Variants in MS4A7 observed in about 807,000 individuals in gnomAD.
MS4A7 encodes the protein membrane spanning 4-domains A7.
Under a neutral mutation model 23.5 loss-of-function variants are expected in MS4A7, and 21 were observed. The ratio of observed to expected loss-of-function variants is 0.89; its 90% CI spans 0.63 to 1.29. The LOEUF is 1.29. MS4A7 is among the 50% of genes most tolerant of loss of function. MS4A7 has a pLI of 0.00. For synonymous variants in MS4A7, 111 were observed against 107.4 expected (o/e 1.03, Z -0.21); for missense variants, 263 against 274.2 (o/e 0.96, Z 0.29).
At chr11:60,392,938 A>G in intron 6 of MS4A7, 152 bp downstream of exon 6, 1 of 604,664 alleles carries the variant, frequency 1.7e-6, no homozygotes, top group Non-Finnish European at 2.9e-6. Flanking sequence ...TGAGTTTAAC[A>G]GTGAAACCCC....
At chr11:60,387,280 C>T (rs888685911) in intron 4 of MS4A7, among the ~76,000 whole-genome samples, 3 of 152,082 alleles carry the variant, frequency 2.0e-5, no homozygotes, top group African/African-American at 2.4e-5. Flanking sequence ...CAGTTTTAGC[C>T]CAGAAAGCCT....
At chr11:60,386,430 T>A in intron 3 of MS4A7, 1 of 352,618 alleles carries the variant, frequency 2.8e-6, no homozygotes. Context: ...GTAACACTCT[T>A]CTCCTTCCCA....
At chr11:60,385,282 GTCGTGGAGTGAC>G (rs1481839785) in intron 3 of MS4A7, 60 bp downstream of exon 3, 2 of 1,592,650 alleles carry the variant, frequency 1.3e-6, no homozygotes, top group African/African-American at 2.7e-5. Context: ...CAGGTGCATA[GTCGTGGAGTGAC>G]TCAGACTCCA....
At chr11:60,391,914 G>A (rs2085555659) in intron 5 of MS4A7, among the ~76,000 whole-genome samples, 2 of 60,708 alleles carry the variant, frequency 3.3e-5, no homozygotes, top group African/African-American at 5.7e-5. Context: ...ATGAGACCCT[G>A]TCTAAAAAAA....
At position 60,389,670 on chromosome 11, in the gene MS4A7, T is replaced by C. The variant is rs117646894; in HGVS notation, c.546+74T>C. On this transcript the variant is annotated intron_variant, in intron 5 of 6. Coordinates refer to ENST00000300184, the MANE Select transcript of MS4A7 (RefSeq NM_021201.5). ...CCCCTTTGCATACTCTCTGCTTTTC[T>C]GGCAGTCTCTGGTTGGTCGGTCCGA... 1.3e-5 allele frequency: 19 copies of C among 1,413,702 alleles called. No homozygotes were observed. In the East Asian group the frequency reaches 3.4e-4, roughly 25 times the overall value. 87.6% of individuals were successfully genotyped at this position (1,413,702 alleles called of 1,614,324 possible). A position where few individuals can be genotyped will look rare whatever the true frequency, so the allele number is the denominator to read the frequency against.
chr11:60,379,305 T>C (rs1051251447), intron 1 of MS4A7, among the ~76,000 whole-genome samples: 2 of 152,224 alleles, frequency 1.3e-5, no homozygotes, highest in Non-Finnish European at 2.9e-5. Flanking sequence ...TGTGAGATAA[T>C]TAAATGCAGG....
intron 2 of MS4A7, among the ~76,000 whole-genome samples, chr11:60,384,188 T>C (rs1382445163): frequency 6.6e-6 from 1 of 152,220 alleles, no homozygotes; most frequent in Non-Finnish European, 1.5e-5. Context: ...CTTTTAAAAA[T>C]GAAAGTTAGA....
chr11:60,381,349 G>A (rs1303522136), intron 1 of MS4A7, among the ~76,000 whole-genome samples: 1 of 152,148 alleles, frequency 6.6e-6, no homozygotes, highest in African/African-American at 2.4e-5. Flanking sequence ...TAAACAAAGA[G>A]AACTTTAGGT....
chr11:60,385,253 A>C, intron 3 of MS4A7, 31 bp downstream of exon 3: 2 of 1,613,092 alleles, frequency 1.2e-6, no homozygotes, highest in Non-Finnish European at 1.7e-6. Flanking sequence ...AAGAGGGGAC[A>C]TGCTTTATAA....
chr11:60,382,058 C>A (rs917364292), intron 1 of MS4A7, among the ~76,000 whole-genome samples: 10 of 152,192 alleles, frequency 6.6e-5, no homozygotes, highest in African/African-American at 1.7e-4. Context: ...GGATGACAAG[C>A]CTTTAACTAA....
chr11:60,383,478 C>CT (rs903424595), intron 2 of MS4A7, 190 bp downstream of exon 2: 13 of 422,956 alleles, frequency 3.1e-5, no homozygotes, highest in Non-Finnish European at 4.4e-5. Context: ...ACTAAAACCA[C>CT]TAGATCTTTT....
At chr11:60,390,776 A>G (rs78824219) in intron 5 of MS4A7, among the ~76,000 whole-genome samples, 1,636 of 152,342 alleles carry the variant, frequency 0.011, 78 homozygotes, top group Admixed American at 0.083. Flanking sequence ...GAGAAGTTGC[A>G]ACATAGCAGA....
Position 60,394,038 on chromosome 11 carries a change from C to A in MS4A7, c.*177C>A. ...TTTAATTTCTCTTGAAAATAATTTCCTCAAAGCCCAAGTCAATAAATGTTA... is the reference window on the plus strand; with the variant it reads ...TTTAATTTCTCTTGAAAATAATTTCATCAAAGCCCAAGTCAATAAATGTTA... On this transcript the variant is annotated 3_prime_UTR_variant, in exon 7 of 7. Coordinates refer to ENST00000300184, the MANE Select transcript of MS4A7 (RefSeq NM_021201.5). 2.7e-6 allele frequency: 1 copy of A among 374,886 alleles called. No homozygotes were observed. The highest frequency in any genetic ancestry group is 4.4e-6 in the Non-Finnish European group (1 of 227,916). 23.2% of individuals were successfully genotyped at this position (374,886 alleles called of 1,614,324 possible).
intron 2 of MS4A7, 112 bp downstream of exon 2, chr11:60,383,400 C>A: frequency 7.9e-7 from 1 of 1,267,830 alleles, no homozygotes; most frequent in Non-Finnish European, 1.1e-6. Context: ...TGGCTGACTC[C>A]AGGCTAATGA....
intron 1 of MS4A7, among the ~76,000 whole-genome samples, chr11:60,379,938 G>A (rs182493768): frequency 9.9e-5 from 15 of 152,244 alleles, no homozygotes; most frequent in Admixed American, 2.0e-4. Context: ...TTCCCAAACT[G>A]GAACTCCGTG....
At chr11:60,389,225 T>A in intron 4 of MS4A7, 165 bp from the exon 5 acceptor site, 1 of 599,672 alleles carries the variant, frequency 1.7e-6, no homozygotes, top group Admixed American at 3.1e-5. Flanking sequence ...ATTAACTAAA[T>A]AGCGACAAGA....
Position 60,394,972 on chromosome 11 carries a change from T to C in MS4A7, c.*1111T>C, listed in dbSNP as rs780208428. 1 of 665,228 alleles carries C rather than the reference T, an allele frequency of 1.5e-6. No homozygotes were observed. Among genetic ancestry groups the C allele is most frequent in the South Asian group, 1.7e-5 (1 of 59,758 alleles). The allele number at this position is 665,228 out of a possible 1,614,324, so 41.2% of individuals were successfully genotyped here. A position where few individuals can be genotyped will look rare whatever the true frequency, so the allele number is the denominator to read the frequency against. ...GTAGGAGTCAATGAAGACATCTTAGTCTTAACAAGTTACAGATAATCTCTG... is the reference window on the plus strand; with the variant it reads ...GTAGGAGTCAATGAAGACATCTTAGCCTTAACAAGTTACAGATAATCTCTG... On this transcript the variant is annotated 3_prime_UTR_variant, in exon 7 of 7. Coordinates refer to ENST00000300184, the MANE Select transcript of MS4A7 (RefSeq NM_021201.5).
At chr11:60,392,817 G>A (rs778259871) in intron 6 of MS4A7, 31 bp downstream of exon 6, 6 of 1,459,638 alleles carry the variant, frequency 4.1e-6, no homozygotes, top group Non-Finnish European at 5.8e-6. Flanking sequence ...CCTGATACCT[G>A]CTGTGTCTCA....
chr11:60,392,178 A>G (rs1043590184), intron 5 of MS4A7, among the ~76,000 whole-genome samples: 1 of 152,130 alleles, frequency 6.6e-6, no homozygotes, highest in Non-Finnish European at 1.5e-5. Flanking sequence ...GATGGATGAA[A>G]GCCTAAAAGG....
Sources: allele counts gnomAD v4.1 joint callset (sites outside exome capture counted in the v4.1 genomes callset), GRCh38; gene constraint gnomAD v4.1.1; transcripts MANE v1.5; gene names NCBI Gene and HGNC (gene_info 2026-07-23, HGNC 2026-07-21).